Variants in SCUBE1 observed in about 807,000 individuals in gnomAD.
SCUBE1 encodes the protein signal peptide, CUB domain and EGF like domain containing 1, also known as signal peptide, CUB and EGF-like domain-containing protein 1.
A neutral mutation model predicts 124.4 loss-of-function variants in SCUBE1; 59 were observed. That is an observed-to-expected ratio of 0.47 (90% confidence interval 0.38 to 0.59). The LOEUF is 0.59. Ranked by LOEUF, SCUBE1 falls within the 20% of genes least tolerant of loss-of-function variation. The pLI is 0.00. For synonymous variants in SCUBE1, 545 were observed against 550.9 expected (o/e 0.99, Z 0.15); for missense variants, 1,150 against 1,371.2 (o/e 0.84, Z 2.55).
chr22:43,246,394 G>A (rs1203736329), intron 6 of SCUBE1, among the ~76,000 whole-genome samples: 1 of 152,118 alleles, frequency 6.6e-6, no homozygotes, highest in Non-Finnish European at 1.5e-5. Context: ...GAAGCAGCTG[G>A]GCCAGTGCTC....
rs1921003363 is a variant in SCUBE1, at chr22:43,201,324, A to AAG, written c.*2672_*2673insCT. On this transcript the variant is annotated 3_prime_UTR_variant, in exon 22 of 22. Coordinates refer to ENST00000360835, the MANE Select transcript of SCUBE1 (RefSeq NM_173050.5). ...ATCTCAAAAAAAAAAAAAAAAAAAA[A>AAG]AAAGAAAACAAAAAAAGAAAACAAA... The AAG allele has an allele frequency of 1.4e-5, 2 of 147,744 alleles. No homozygotes were observed. Among genetic ancestry groups the AAG allele is most frequent in the East Asian group, 1.9e-4 (1 of 5,188 alleles). 9.2% of individuals were successfully genotyped at this position (147,744 alleles called of 1,614,324 possible).
chr22:43,220,454 G>A lies in SCUBE1; in HGVS notation c.1683C>T (p.Ala561=), dbSNP rs760398957. Residue 561 remains alanine (A), a synonymous_variant, in exon 14 of 22, where the codon GCC becomes GCT. Coordinates refer to ENST00000360835, the MANE Select transcript of SCUBE1 (RefSeq NM_173050.5). ...EFEIETKMEE[A]SDTCEADCLR... is the part of the protein sequence containing the mutation. Reference sequence around the variant, plus strand: ...CCAGGAGAACCCCTCACCTACCTGAGGCCTCTTCCATCTTTGTCTCGATCT... The same window carrying A: ...CCAGGAGAACCCCTCACCTACCTGAAGCCTCTTCCATCTTTGTCTCGATCT... The A allele has an allele frequency of 1.9e-6, 3 of 1,613,768 alleles. No individual in the cohort carries two copies. The highest frequency in any genetic ancestry group is 2.5e-6 in the Non-Finnish European group (3 of 1,179,786).
intron 15 of SCUBE1, among the ~76,000 whole-genome samples, chr22:43,216,861 C>T: frequency 8.0e-6 from 1 of 124,612 alleles, no homozygotes. Flanking sequence ...CAACTTCCCC[C>T]CACCCACCCC....
chr22:43,296,517 C>G (rs1233071843), intron 3 of SCUBE1, among the ~76,000 whole-genome samples: 4 of 152,246 alleles, frequency 2.6e-5, no homozygotes, highest in Non-Finnish European at 5.9e-5. Context: ...TACAAAGAGA[C>G]AGGAGGTCCC....
At chr22:43,314,969 G>A (rs6003152) in intron 3 of SCUBE1, among the ~76,000 whole-genome samples, 2,618 of 152,280 alleles carry the variant, frequency 0.017, 84 homozygotes, top group African/African-American at 0.061. Context: ...TCCCGCAAAC[G>A]TCAGGGGCTG....
intron 1 of SCUBE1, among the ~76,000 whole-genome samples, chr22:43,339,545 C>A (rs1927198376): frequency 6.6e-6 from 1 of 151,732 alleles, no homozygotes; most frequent in African/African-American, 2.4e-5. Context: ...TGAGGAAGAA[C>A]CTCCTCCTCC....
chr22:43,282,777 C>A lies in SCUBE1; in HGVS notation c.484+8269G>T, dbSNP rs193127450. ...ATGGCGCGATCTCAGCTCACTGCAA[C>A]CTCCGCCTCCCGGGTTCAAGTAATT... On this transcript the variant is annotated intron_variant, in intron 4 of 21. Coordinates refer to ENST00000360835, the MANE Select transcript of SCUBE1 (RefSeq NM_173050.5). 3.3e-5 allele frequency: 5 copies of A among 152,042 alleles called. No homozygotes were observed. The East Asian group carries it at 9.7e-4, about 29-fold the overall frequency. 9.4% of individuals were successfully genotyped at this position (152,042 alleles called of 1,614,324 possible).
At chr22:43,250,350 A>G (rs1569506766) in intron 6 of SCUBE1, among the ~76,000 whole-genome samples, 1 of 152,152 alleles carries the variant, frequency 6.6e-6, no homozygotes, top group Non-Finnish European at 1.5e-5. Context: ...GCCTGGGGAA[A>G]ACTTATGAAG....
chr22:43,272,165 C>T (rs1004401919), intron 4 of SCUBE1, among the ~76,000 whole-genome samples: 15 of 152,272 alleles, frequency 9.9e-5, no homozygotes, highest in Admixed American at 9.1e-4. Context: ...CTGCTTTGAC[C>T]AATATGCCAT....
At position 43,321,136 on chromosome 22, in the gene SCUBE1, C is replaced by G. The variant is rs560380322; in HGVS notation, c.221-1071G>C. On this transcript the variant is annotated intron_variant, in intron 2 of 21. Transcript: ENST00000360835. ...CCGGAAGTGCAGCACTAAGTGGAAC[C>G]GGAAGTGCATCTCACGAGACGACGG... Among the ~76,000 whole-genome samples the G allele has an allele frequency of 5.9e-5, 9 of 152,288 alleles. No individual in the cohort carries two copies. The East Asian group carries it at 1.5e-3, about 26-fold the overall frequency.
At chr22:43,342,482 C>T (rs996208699) in intron 1 of SCUBE1, among the ~76,000 whole-genome samples, 2 of 151,916 alleles carry the variant, frequency 1.3e-5, no homozygotes, top group Non-Finnish European at 1.5e-5. Context: ...GTCCCTCTCT[C>T]TTTCCCGGTC....
At chr22:43,297,704 GT>G (rs1364920197) in intron 3 of SCUBE1, among the ~76,000 whole-genome samples, 1 of 152,248 alleles carries the variant, frequency 6.6e-6, no homozygotes, top group African/African-American at 2.4e-5. Flanking sequence ...GCTGATGTTT[GT>G]TTTTATTAAT....
intron 6 of SCUBE1, among the ~76,000 whole-genome samples, chr22:43,252,514 T>A (rs1013980928): frequency 6.6e-6 from 1 of 152,218 alleles, no homozygotes; most frequent in African/African-American, 2.4e-5. Flanking sequence ...GGTTCTGACC[T>A]TGCTGTGAAA....
At chr22:43,323,996 T>C (rs1251682091) in intron 2 of SCUBE1, among the ~76,000 whole-genome samples, 2 of 152,116 alleles carry the variant, frequency 1.3e-5, no homozygotes, top group East Asian at 3.9e-4. Context: ...ACACAATCAG[T>C]TATGGAGTTG....
intron 3 of SCUBE1, among the ~76,000 whole-genome samples, chr22:43,310,629 C>T (rs1191359523): frequency 5.9e-5 from 9 of 152,188 alleles, no homozygotes; most frequent in South Asian, 2.1e-4. Flanking sequence ...TGACTTCTTG[C>T]GCCACAGAAT....
rs140302427 is a variant in SCUBE1 at position 43,220,362 on chromosome 22, C to T, written c.1687+88G>A. On this transcript the variant is annotated intron_variant, in intron 14 of 21. Transcript: ENST00000360835. The stretch of plus-strand genomic sequence containing the variant: ...CAGCTGTGCTCTGGTGGGAGCCTAG[C>T]TTCATGCCTGGCAGGCCCCCGGCAG... The T allele has an allele frequency of 7.4e-4, 1,093 of 1,472,066 alleles. 8 individuals are homozygous for T. In the African/African-American group the frequency reaches 0.014, roughly 19 times the overall value. The allele number at this position is 1,472,066 out of a possible 1,614,324, so 91.2% of individuals were successfully genotyped here.
intron 20 of SCUBE1, 66 bp from the exon 21 acceptor site, chr22:43,207,679 CCTCCAGCCTCTGCCCTCCCTCCTGTG>C (rs1921348401): frequency 4.9e-6 from 6 of 1,230,864 alleles, no homozygotes; most frequent in Non-Finnish European, 7.2e-6. Flanking sequence ...TCCCCTTTCA[CCTCCAGCCTCTGCCCTCCCTCCTGTG>C]CTCCAGCCAC....
At chr22:43,275,596 C>T (rs1050963954) in intron 4 of SCUBE1, among the ~76,000 whole-genome samples, 5 of 152,284 alleles carry the variant, frequency 3.3e-5, no homozygotes, top group African/African-American at 4.8e-5. Context: ...AAGAGGAAGA[C>T]GTGCACGCCT....
chr22:43,288,346 G>A (rs77888661), intron 4 of SCUBE1, among the ~76,000 whole-genome samples: 3 of 152,060 alleles, frequency 2.0e-5, no homozygotes, highest in Non-Finnish European at 2.9e-5. Flanking sequence ...AAGTGCTGGC[G>A]TTCTCCCAGA....
Sources: allele counts gnomAD v4.1 joint callset (sites outside exome capture counted in the v4.1 genomes callset), GRCh38; gene constraint gnomAD v4.1.1; transcripts MANE v1.5; gene names NCBI Gene and HGNC (gene_info 2026-07-23, HGNC 2026-07-21).